Variants in APOLD1 observed in about 807,000 individuals in gnomAD.
APOLD1 encodes the protein apolipoprotein L domain containing 1, also known as apolipoprotein L domain-containing protein 1.
Under a neutral mutation model 15.3 loss-of-function variants are expected in APOLD1, and 22 were observed. The ratio of observed to expected loss-of-function variants is 1.44; its 90% CI spans 1.03 to 2.05. APOLD1 has a LOEUF of 2.05. Among genes scored for constraint, APOLD1 ranks in the 30% most tolerant of loss-of-function variants. APOLD1 has a pLI of 0.00. For synonymous variants in APOLD1, 190 were observed against 167.4 expected (o/e 1.13, Z -1.04); for missense variants, 394 against 353.5 (o/e 1.11, Z -0.92).
chr12:12,777,902 T>G (rs1023377186), intron 1 of APOLD1, among the ~76,000 whole-genome samples: 16 of 27,264 alleles, frequency 5.9e-4, no homozygotes, highest in East Asian at 2.6e-3. Flanking sequence ...TTTTTTTTTT[T>G]TTTTTTTTTT....
intron 1 of APOLD1, among the ~76,000 whole-genome samples, chr12:12,734,071 G>A (rs979135307): frequency 6.6e-6 from 1 of 152,032 alleles, no homozygotes; most frequent in Non-Finnish European, 1.5e-5. Flanking sequence ...CATTAAATCT[G>A]TACATGAGTT....
At chr12:12,728,665 CA>C (rs58877184) in intron 1 of APOLD1, among the ~76,000 whole-genome samples, 376 of 62,792 alleles carry the variant, frequency 6.0e-3, no homozygotes, top group African/African-American at 0.029. Context: ...GACCCTGTCT[CA>C]AAAAAAAAAA....
chr12:12,785,279 T>A (rs184481963), upstream of APOLD1, among the ~76,000 whole-genome samples: 2 of 152,194 alleles, frequency 1.3e-5, no homozygotes, highest in Non-Finnish European at 2.9e-5. Context: ...TTTTAAAATA[T>A]GATTTTGTAA....
chr12:12,761,630 G>A (rs1720837962), intron 1 of APOLD1, among the ~76,000 whole-genome samples: 1 of 151,846 alleles, frequency 6.6e-6, no homozygotes, highest in Admixed American at 6.6e-5. Context: ...ATATAATTCA[G>A]TTGAAAATAT....
intron 1 of APOLD1, among the ~76,000 whole-genome samples, chr12:12,750,010 T>C (rs2136379090): frequency 6.6e-6 from 1 of 152,278 alleles, no homozygotes; most frequent in East Asian, 1.9e-4. Context: ...TAAGCTGTAC[T>C]TGTCAAAAGA....
At chr12:12,758,092 C>CTTTTTTT (rs201265384) in intron 1 of APOLD1, among the ~76,000 whole-genome samples, 1 of 111,380 alleles carries the variant, frequency 9.0e-6, no homozygotes, top group Non-Finnish European at 1.8e-5. Context: ...TGATGCCTGG[C>CTTTTTTT]TTTTTTTCTT....
chr12:12,764,113 C>A (rs149609934), intron 1 of APOLD1, among the ~76,000 whole-genome samples: 2 of 152,224 alleles, frequency 1.3e-5, no homozygotes, highest in African/African-American at 4.8e-5. Context: ...CAGGTGCCTG[C>A]CACCATGTCC....
chr12:12,776,340 G>C (rs988812170), intron 1 of APOLD1, among the ~76,000 whole-genome samples: 3 of 152,206 alleles, frequency 2.0e-5, no homozygotes, highest in Non-Finnish European at 4.4e-5. Context: ...TACTGTTGTA[G>C]ATGTCTGAGA....
At position 12,787,609 on chromosome 12, in the gene APOLD1, A is replaced by T. The variant is rs373337626; in HGVS notation, c.704A>T (p.Asp235Val). The change falls in exon 2 of 2, where the codon GAC (aspartate) becomes GTC (valine). Residue 235 changes from aspartate (D) to valine (V), a missense_variant. Coordinates refer to ENST00000356591, the MANE Select transcript of APOLD1 (RefSeq NM_030817.3). The surrounding 1 kb of genome is among the most constrained non-coding windows in gnomAD (Gnocchi z 4.9). ...QLCTKSSRGH[D>V]LKISADQRAG... ...TGCACCAAGTCCAGTCGTGGCCACG[A>T]CCTCAAGATCTCTGCTGACCAGCGT... 2.7e-5 allele frequency: 44 copies of T among 1,609,688 alleles called. No homozygotes were observed. Among genetic ancestry groups the T allele is most frequent in the Non-Finnish European group, 3.7e-5 (44 of 1,179,892 alleles).
rs116004862 is a variant in APOLD1 at position 12,755,610 on chromosome 12, G to A, written c.96+29514G>A. ...AATCCCAGCACTTTCCAAGGCCAAG[G>A]CAGGTGGATTGCTTAAGCTCAGGAG... On this transcript the variant is annotated intron_variant, in intron 1 of 1. Coordinates refer to the APOLD1 transcript ENST00000326765. 2.7e-3 allele frequency among the ~76,000 whole-genome samples: 418 copies of A among 152,286 alleles called. 1 individual carries two copies. The highest frequency in any genetic ancestry group is 9.7e-3 in the African/African-American group (404 of 41,546).
chr12:12,759,841 A>G (rs963443881), intron 1 of APOLD1, among the ~76,000 whole-genome samples: 1 of 152,220 alleles, frequency 6.6e-6, no homozygotes, highest in Non-Finnish European at 1.5e-5. Flanking sequence ...CATTTGGAGG[A>G]AGATGCTAAA....
upstream of APOLD1, chr12:12,785,468 A>C (rs1947116377): frequency 1.6e-6 from 1 of 627,326 alleles, no homozygotes; most frequent in Admixed American, 3.0e-5. Context: ...GAAAGCGAAC[A>C]CACAATGTTC....
At chr12:12,733,950 G>C (rs896950280) in intron 1 of APOLD1, among the ~76,000 whole-genome samples, 1 of 152,150 alleles carries the variant, frequency 6.6e-6, no homozygotes, top group Non-Finnish European at 1.5e-5. Flanking sequence ...CTTGAACATG[G>C]AATCAGAGTT....
chr12:12,756,792 T>C (rs549885976), intron 1 of APOLD1, among the ~76,000 whole-genome samples: 124 of 152,342 alleles, frequency 8.1e-4, no homozygotes, highest in South Asian at 1.7e-3. Flanking sequence ...AGCTGCTTTT[T>C]TTCTTTTTTT....
At chr12:12,758,165 T>C (rs1412056228) in intron 1 of APOLD1, among the ~76,000 whole-genome samples, 1 of 150,526 alleles carries the variant, frequency 6.6e-6, no homozygotes, top group Non-Finnish European at 1.5e-5. Flanking sequence ...CTCCATCTCC[T>C]GACCTCGTGA....
chr12:12,771,592 C>T, intron 1 of APOLD1: 1 of 518,622 alleles, frequency 1.9e-6, no homozygotes, highest in Non-Finnish European at 3.9e-6. Context: ...GAGGAAATGG[C>T]ATCGAGGCCT....
rs2136405722 is a variant in APOLD1 at position 12,791,208 on chromosome 12, T to C, written c.*3556T>C. 6.6e-6 allele frequency: 1 copy of C among 152,288 alleles called. No individual in the cohort carries two copies. Among genetic ancestry groups the C allele is most frequent in the East Asian group, 1.9e-4 (1 of 5,190 alleles). The allele number at this position is 152,288 out of a possible 1,614,324, so 9.4% of individuals were successfully genotyped here. ...CCTGTCATTTCCAATATGGTAGGTG[T>C]CAAAGTCAAAAGTATTTACTGGGAG... On this transcript the variant is annotated 3_prime_UTR_variant, in exon 2 of 2. Coordinates refer to ENST00000356591, the MANE Select transcript of APOLD1 (RefSeq NM_030817.3).
intron 1 of APOLD1, among the ~76,000 whole-genome samples, chr12:12,761,607 CATTGTTTCTAATAT>C (rs1946898968): frequency 1.3e-5 from 2 of 151,944 alleles, no homozygotes; most frequent in Non-Finnish European, 2.9e-5. Context: ...TTCACTGCAC[CATTGTTTCTAATAT>C]ATAATTCAGT....
At chr12:12,761,358 G>A (rs934483537) in intron 1 of APOLD1, among the ~76,000 whole-genome samples, 1 of 152,116 alleles carries the variant, frequency 6.6e-6, no homozygotes, top group African/African-American at 2.4e-5. Flanking sequence ...GTCTAAACAT[G>A]CTTATTTGAC....
Sources: gnomAD v4.1 joint callset for allele counts (sites outside exome capture counted in the v4.1 genomes callset) on GRCh38, gnomAD v4.1.1 for gene constraint, Gnocchi (gnomAD v3.1) non-coding constraint, MANE v1.5 for transcripts, NCBI Gene and HGNC (gene_info 2026-07-23, HGNC 2026-07-21) for gene names.